Variants in CNR1 observed in about 807,000 individuals in gnomAD.
CNR1 encodes cannabinoid receptor 1 (brain).
In CNR1, 10 loss-of-function variants were observed where a neutral mutation model predicts 23.0. The observed-to-expected ratio is 0.43, with a 90% CI of 0.27 to 0.74. The LOEUF is 0.74. CNR1 is among the 30% of genes least tolerant of loss of function. The pLI is 0.19. For missense variants in CNR1, 422 were observed against 618.8 expected, an observed-to-expected ratio of 0.68 and a Z score of 3.37; for synonymous variants, 271 against 255.2, an observed-to-expected ratio of 1.06 and a Z score of -0.59.
At chr6:88,163,089 TTTAA>T (rs1056604915) in intron 1 of CNR1, 20 of 152,222 alleles carry the variant, frequency 1.3e-4, no homozygotes, top group African/African-American at 3.9e-4. Context: ...GTTATCATGC[TTTAA>T]TTGCTTTAAT....
intron 1 of CNR1, among the ~76,000 whole-genome samples, chr6:88,151,977 G>A (rs190382145): frequency 3.6e-4 from 55 of 152,198 alleles, no homozygotes; most frequent in Admixed American, 1.0e-3. Context: ...TGATGGATTT[G>A]CAGATGAATC....
chr6:88,164,303 CAA>C (rs1156476979), intron 1 of CNR1: 1 of 152,282 alleles, frequency 6.6e-6, no homozygotes, highest in African/African-American at 2.4e-5. Flanking sequence ...ATCTTTGAAA[CAA>C]AAAGAGTCGG....
chr6:88,157,940 TCTCA>T (rs1379316653), intron 1 of CNR1, among the ~76,000 whole-genome samples: 5 of 152,194 alleles, frequency 3.3e-5, no homozygotes, highest in Non-Finnish European at 7.3e-5. Context: ...CCTATCATTC[TCTCA>T]CTAAAATAAT....
rs147997421 is a variant in CNR1, at chr6:88,144,183, C to T, written c.1092G>A (p.Val364=). 9 of 1,613,538 alleles carry T rather than the reference C, an allele frequency of 5.6e-6. 1 individual carries two copies. The Middle Eastern group carries it at 4.9e-4, about 88-fold the overall frequency. Residue 364 remains valine, a synonymous_variant, in exon 2 of 2, where the codon GTG becomes GTA. Coordinates refer to ENST00000369501, the MANE Select transcript of CNR1 (RefSeq NM_016083.6). This position sits in a 1 kb window ranked among gnomAD's most constrained non-coding sequence, Gnocchi z 7.8. ...TGTTCATCTTCCCAAAGACATCATA[C>T]ACCATGATTGCAAGCAGAGGGCCCC... is the stretch of plus-strand genomic sequence containing the variant. ...ICWGPLLAIM[V]YDVFGKMNKL...
At chr6:88,155,586 T>C (rs959766617) in intron 1 of CNR1, among the ~76,000 whole-genome samples, 1 of 151,756 alleles carries the variant, frequency 6.6e-6, no homozygotes, top group Non-Finnish European at 1.5e-5. Context: ...GGAAGAAGAG[T>C]TGGTTTGGGA....
chr6:88,151,284 G>T (rs1249010075), intron 1 of CNR1, among the ~76,000 whole-genome samples: 1 of 152,188 alleles, frequency 6.6e-6, no homozygotes, highest in Non-Finnish European at 1.5e-5. Context: ...GGACAGTGCA[G>T]GTCTAGGGCC....
At chr6:88,148,447 A>C (rs531295824) in intron 1 of CNR1, among the ~76,000 whole-genome samples, 92 of 145,086 alleles carry the variant, frequency 6.3e-4, no homozygotes, top group African/African-American at 2.2e-3. Flanking sequence ...ACACAGAAGA[A>C]GGCTCCAAAT....
At chr6:88,162,160 A>G (rs550623341) in intron 1 of CNR1, among the ~76,000 whole-genome samples, 2 of 152,318 alleles carry the variant, frequency 1.3e-5, no homozygotes, top group Non-Finnish European at 2.9e-5. Flanking sequence ...TTCAAGGTGG[A>G]TATCTGCTTT....
intron 1 of CNR1, chr6:88,147,667 G>A (rs1019264129): frequency 2.6e-5 from 4 of 152,148 alleles, no homozygotes; most frequent in Non-Finnish European, 4.4e-5. Context: ...TGCTCACCAG[G>A]GTTAGGGCGC....
At chr6:88,146,405 C>T (rs1469839801) in intron 1 of CNR1, among the ~76,000 whole-genome samples, 1 of 152,190 alleles carries the variant, frequency 6.6e-6, no homozygotes, top group African/African-American at 2.4e-5. Context: ...TGTGCCCGGC[C>T]AAGACTGAGC....
intron 1 of CNR1, 164 bp from the exon 2 acceptor site, chr6:88,145,501 C>A: frequency 1.9e-6 from 1 of 520,444 alleles, no homozygotes; most frequent in East Asian, 3.1e-5. Flanking sequence ...ATGAGTAAGT[C>A]ACTCAGAGAA....
chr6:88,152,377 C>T (rs978226374), intron 1 of CNR1, among the ~76,000 whole-genome samples: 2 of 152,154 alleles, frequency 1.3e-5, no homozygotes, highest in Admixed American at 6.5e-5. Context: ...CTTGGAAGAG[C>T]TATAAAGCTT....
chr6:88,164,497 T>C (rs1778265896), intron 1 of CNR1, among the ~76,000 whole-genome samples: 1 of 152,252 alleles, frequency 6.6e-6, no homozygotes, highest in Non-Finnish European at 1.5e-5. Flanking sequence ...AATCTGAAAG[T>C]AATTTGTCTC....
At chr6:88,162,529 A>G (rs902538447) in intron 1 of CNR1, among the ~76,000 whole-genome samples, 4 of 152,236 alleles carry the variant, frequency 2.6e-5, no homozygotes, top group Admixed American at 2.0e-4. Flanking sequence ...TTAACTAGCA[A>G]TTCAGTGGCA....
At chr6:88,149,121 G>A (rs1040328488) in intron 1 of CNR1, among the ~76,000 whole-genome samples, 9 of 152,172 alleles carry the variant, frequency 5.9e-5, no homozygotes, top group Admixed American at 3.9e-4. Context: ...GTCTGCTAAC[G>A]CCAATCAAGT....
At position 88,144,320 on chromosome 6, in the gene CNR1, T is replaced by C; in HGVS notation, c.955A>G (p.Ile319Val). 6.2e-7 allele frequency: 1 copy of C among 1,613,166 alleles called. No individual in the cohort carries two copies. The highest frequency in any genetic ancestry group is 8.5e-7 in the Non-Finnish European group (1 of 1,179,998). Residue 319 changes from isoleucine to valine, a missense_variant, in exon 2 of 2, where the codon ATC becomes GTC. Around this residue, in one of 4 missense-constraint regions of CNR1, gnomAD observed 211 missense variants for 357.3 expected, o/e 0.59. Coordinates refer to ENST00000369501, the MANE Select transcript of CNR1 (RefSeq NM_016083.6). The surrounding 1 kb of genome is among the most constrained non-coding windows in gnomAD (Gnocchi z 7.8). ...ACCTTCCCATCCTCAGACGTGTGGATGATGATGCTCTTCTGGGTGCCACGC... is the reference window on the plus strand; with the variant it reads ...ACCTTCCCATCCTCAGACGTGTGGACGATGATGCTCTTCTGGGTGCCACGC... Reference protein sequence around the residue: ...IQRGTQKSIIIHTSEDGKVQV... With the variant: ...IQRGTQKSIIVHTSEDGKVQV...
chr6:88,143,664 C>A lies in CNR1; in HGVS notation c.*192G>T, dbSNP rs16880260. The A allele has an allele frequency of 5.7e-3, 3,319 of 580,364 alleles. 80 individuals are homozygous for A. The highest frequency in any genetic ancestry group is 0.053 in the African/African-American group (2,840 of 53,642). 36.0% of individuals were successfully genotyped at this position (580,364 alleles called of 1,614,324 possible). On this transcript the variant is annotated 3_prime_UTR_variant, in exon 2 of 2. Coordinates refer to ENST00000369501, the MANE Select transcript of CNR1 (RefSeq NM_016083.6). The stretch of plus-strand genomic sequence containing the variant: ...AACAACAGGCTTTCTTCACTGTAAA[C>A]CCCTGGAGAATGGAGTTTGAGTACC...
At chr6:88,159,970 T>A (rs1325227944) in intron 1 of CNR1, among the ~76,000 whole-genome samples, 1 of 152,198 alleles carries the variant, frequency 6.6e-6, no homozygotes, top group African/African-American at 2.4e-5. Flanking sequence ...AAAGGTCTAG[T>A]ACCTAAATGA....
chr6:88,154,830 C>T lies in CNR1; in HGVS notation c.-63-9493G>A, dbSNP rs59660619. 3.3e-3 allele frequency among the ~76,000 whole-genome samples: 505 copies of T among 152,312 alleles called. 1 individual carries two copies. The highest frequency in any genetic ancestry group is 0.011 in the African/African-American group (456 of 41,570). On this transcript the variant is annotated intron_variant, in intron 1 of 1. Coordinates refer to ENST00000369501, the MANE Select transcript of CNR1 (RefSeq NM_016083.6). ...CTGACCTCAAGTGATCCGCCCACCT[C>T]GGCCTCCCACAAGTGCTGGGATTAC...
Sources: allele counts gnomAD v4.1 joint callset (sites outside exome capture counted in the v4.1 genomes callset), GRCh38; gene constraint gnomAD v4.1.1; regional missense constraint gnomAD v4.1.1; non-coding constraint Gnocchi (gnomAD v3.1); transcripts MANE v1.5; gene names NCBI Gene and HGNC (gene_info 2026-07-23, HGNC 2026-07-21).